Variants in AUTS2 observed in about 807,000 individuals in gnomAD.
The protein encoded by AUTS2 is autism susceptibility gene 2 protein.
A neutral mutation model predicts 112.4 loss-of-function variants in AUTS2; 17 were observed. The observed-to-expected ratio is 0.15, with a 90% CI of 0.10 to 0.23. The LOEUF is 0.23. Ranked by LOEUF, AUTS2 falls within the 10% of genes least tolerant of loss-of-function variation. AUTS2 has a pLI of 1.00. For missense variants in AUTS2, 1,510 were observed against 1,701.6 expected, an observed-to-expected ratio of 0.89 and a Z score of 1.98; for synonymous variants, 751 against 702.7, an observed-to-expected ratio of 1.07 and a Z score of -1.09.
At chr7:70,223,643 A>G (rs1051508328) in intron 4 of AUTS2, among the ~76,000 whole-genome samples, 1 of 152,180 alleles carries the variant, frequency 6.6e-6, no homozygotes, top group Non-Finnish European at 1.5e-5. Context: ...TCTACTAGTT[A>G]AAAAGAAAAA....
chr7:69,798,144 G>A (rs540111483), intron 1 of AUTS2, among the ~76,000 whole-genome samples: 6 of 152,052 alleles, frequency 3.9e-5, no homozygotes, highest in African/African-American at 9.7e-5. Context: ...GATCTATTTC[G>A]AGCTTGTGAG....
chr7:70,190,784 G>A (rs1330205751), intron 4 of AUTS2, among the ~76,000 whole-genome samples: 2 of 152,114 alleles, frequency 1.3e-5, no homozygotes, highest in Non-Finnish European at 2.9e-5. Flanking sequence ...AGGATTTGCA[G>A]CGTACACTAT....
intron 1 of AUTS2, among the ~76,000 whole-genome samples, chr7:69,856,462 C>T (rs765715790): frequency 1.3e-5 from 2 of 152,114 alleles, no homozygotes; most frequent in East Asian, 1.9e-4. Context: ...TCAGTTCCTG[C>T]GGTCCCTCTC....
At chr7:69,619,377 G>C (rs1175611852) in intron 1 of AUTS2, among the ~76,000 whole-genome samples, 2 of 152,116 alleles carry the variant, frequency 1.3e-5, no homozygotes, top group Non-Finnish European at 2.9e-5. Context: ...GAAAGTTATA[G>C]CATTACCTTG....
chr7:70,260,585 A>G (rs1787117184), intron 4 of AUTS2, among the ~76,000 whole-genome samples: 1 of 151,840 alleles, frequency 6.6e-6, no homozygotes, highest in South Asian at 2.1e-4. Context: ...CTTTTCTTAT[A>G]AAGCTACCTG....
At chr7:70,230,812 G>T (rs1042224801) in intron 4 of AUTS2, among the ~76,000 whole-genome samples, 1 of 152,236 alleles carries the variant, frequency 6.6e-6, no homozygotes, top group African/African-American at 2.4e-5. Flanking sequence ...GGTAGCTGCA[G>T]TGTTGTCCTT....
At chr7:69,938,685 T>G (rs1796509578) in intron 2 of AUTS2, among the ~76,000 whole-genome samples, 1 of 152,054 alleles carries the variant, frequency 6.6e-6, no homozygotes, top group Admixed American at 6.6e-5. Context: ...AGAGAGGGGA[T>G]GGAGTATGTA....
intron 2 of AUTS2, among the ~76,000 whole-genome samples, chr7:69,995,395 A>G (rs772795786): frequency 1.2e-4 from 18 of 152,100 alleles, no homozygotes; most frequent in Non-Finnish European, 2.4e-4. Flanking sequence ...ACTACACTCT[A>G]ATTTGACTGG....
intron 2 of AUTS2, among the ~76,000 whole-genome samples, chr7:69,961,486 T>C (rs777067301): frequency 6.6e-6 from 1 of 152,156 alleles, no homozygotes; most frequent in African/African-American, 2.4e-5. Context: ...TTAACATTGA[T>C]CCTGTTGTTA....
chr7:70,670,892 C>T (rs552319467), intron 5 of AUTS2, among the ~76,000 whole-genome samples: 7 of 152,310 alleles, frequency 4.6e-5, no homozygotes, highest in African/African-American at 7.2e-5. Flanking sequence ...ACAAAACAGG[C>T]GGGGTGCGGT....
intron 5 of AUTS2, among the ~76,000 whole-genome samples, chr7:70,470,103 G>A (rs1023524397): frequency 8.5e-5 from 13 of 152,186 alleles, no homozygotes; most frequent in African/African-American, 2.4e-4. Flanking sequence ...AGTGTTATTT[G>A]CCTGAGGAAA....
intron 1 of AUTS2, among the ~76,000 whole-genome samples, chr7:69,705,323 A>G (rs1419927012): frequency 6.6e-6 from 1 of 152,146 alleles, no homozygotes; most frequent in Non-Finnish European, 1.5e-5. Context: ...ACTACTACCT[A>G]GTGCTAGTAC....
chr7:70,073,309 G>A lies in AUTS2; in HGVS notation c.523-44823G>A, dbSNP rs908875513. On this transcript the variant is annotated intron_variant, in intron 2 of 18. Coordinates refer to ENST00000342771, the MANE Select transcript of AUTS2 (RefSeq NM_015570.4). ...GCAGATCACCTGAGGTCAGGAGTTC[G>A]AGACCAGCCTGACCAACATGGTGAA... 1.3e-4 allele frequency among the ~76,000 whole-genome samples: 20 copies of A among 151,576 alleles called. 1 individual carries two copies. Among genetic ancestry groups the A allele is most frequent in the African/African-American group, 4.8e-4 (20 of 41,256 alleles).
At chr7:70,322,858 G>A (rs1363066549) in intron 4 of AUTS2, among the ~76,000 whole-genome samples, 2 of 152,132 alleles carry the variant, frequency 1.3e-5, no homozygotes, top group African/African-American at 4.8e-5. Flanking sequence ...CTGAATCCCA[G>A]CTCCACTTAT....
intron 1 of AUTS2, among the ~76,000 whole-genome samples, chr7:69,692,933 T>G (rs1403566891): frequency 1.3e-5 from 2 of 152,232 alleles, no homozygotes; most frequent in Admixed American, 6.5e-5. Flanking sequence ...CCGAGAGACT[T>G]CCCTCAAAAT....
chr7:70,295,876 G>A (rs1788911090), intron 4 of AUTS2, among the ~76,000 whole-genome samples: 1 of 152,120 alleles, frequency 6.6e-6, no homozygotes, highest in Non-Finnish European at 1.5e-5. Context: ...GTTCAATCAA[G>A]AAGCTAAGAT....
intron 6 of AUTS2, among the ~76,000 whole-genome samples, chr7:70,734,397 G>A (rs747290392): frequency 2.0e-5 from 3 of 151,734 alleles, no homozygotes; most frequent in African/African-American, 7.3e-5. Flanking sequence ...CCAAGATCGC[G>A]CCACTGCACT....
At chr7:70,421,020 A>G (rs1795196090) in intron 4 of AUTS2, among the ~76,000 whole-genome samples, 1 of 152,222 alleles carries the variant, frequency 6.6e-6, no homozygotes, top group South Asian at 2.1e-4. Context: ...CTCTTTTCTT[A>G]GAAAGCTATA....
intron 1 of AUTS2, among the ~76,000 whole-genome samples, chr7:69,704,867 C>G (rs1039947671): frequency 3.3e-5 from 5 of 152,024 alleles, no homozygotes; most frequent in African/African-American, 1.2e-4. Context: ...TGTATGTTTT[C>G]TTTCTTTTTT....
Sources: allele counts gnomAD v4.1 joint callset (sites outside exome capture counted in the v4.1 genomes callset), GRCh38; gene constraint gnomAD v4.1.1; transcripts MANE v1.5; gene names NCBI Gene and HGNC (gene_info 2026-07-23, HGNC 2026-07-21).